Variants in CCDC27 observed in about 807,000 individuals in gnomAD.
CCDC27 encodes the protein coiled-coil domain containing 27.
In CCDC27, 80 loss-of-function variants were observed where a neutral mutation model predicts 80.3. The observed-to-expected ratio is 1.00, with a 90% CI of 0.83 to 1.20. The LOEUF (loss-of-function observed/expected upper bound fraction) is 1.20, where lower values mean the gene tolerates loss of function less well. Among genes scored for constraint, CCDC27 ranks in the 50% most tolerant of loss-of-function variants. The pLI is 0.00. For missense variants in CCDC27, 815 were observed against 809.4 expected (o/e 1.01, Z -0.08); for synonymous variants, 342 against 334.3 (o/e 1.02, Z -0.25).
intron 8 of CCDC27, among the ~76,000 whole-genome samples, chr1:3,765,727 G>T (rs1361288935): frequency 6.6e-6 from 1 of 152,172 alleles, no homozygotes. Flanking sequence ...TGCTTTTGGT[G>T]TCTGTCATTC....
At position 3,769,998 on chromosome 1, in the gene CCDC27, T is replaced by G; in HGVS notation, c.1848+111T>G. 6.5e-6 allele frequency: 5 copies of G among 768,522 alleles called. No homozygotes were observed. Among genetic ancestry groups the G allele is most frequent in the Non-Finnish European group, 1.1e-5 (5 of 434,996 alleles). 47.6% of individuals were successfully genotyped at this position (768,522 alleles called of 1,614,324 possible). On this transcript the variant is annotated intron_variant, in intron 11 of 11. Coordinates refer to ENST00000294600, the MANE Select transcript of CCDC27 (RefSeq NM_152492.3). This position sits in a 1 kb window ranked among gnomAD's most constrained non-coding sequence, Gnocchi z 4.6. ...CCAGGGACTCTGTTCTCATCCTACC[T>G]GTGTCACCTATTCACTTGGACCCCA...
At chr1:3,764,034 G>A (rs976257179) in intron 8 of CCDC27, among the ~76,000 whole-genome samples, 198 bp downstream of exon 8, 2 of 152,176 alleles carry the variant, frequency 1.3e-5, no homozygotes, top group East Asian at 1.9e-4. Context: ...TGGGAGGCTG[G>A]AGCCCATGTG....
At chr1:3,753,227 G>A (rs1404801581) in intron 1 of CCDC27, among the ~76,000 whole-genome samples, 1 of 152,186 alleles carries the variant, frequency 6.6e-6, no homozygotes, top group South Asian at 2.1e-4. Context: ...CCGTGTACTG[G>A]GGGAGCCCGA....
intron 1 of CCDC27, 67 bp downstream of exon 1, chr1:3,752,866 GC>G: frequency 6.7e-7 from 1 of 1,497,030 alleles, no homozygotes; most frequent in Non-Finnish European, 9.0e-7. Flanking sequence ...CTCCCCAAAG[GC>G]CCATAGAGCT....
In CCDC27 at chr1:3,765,660, C is replaced by T. The variant is rs534404798; in HGVS notation, c.1453-875C>T. On this transcript the variant is annotated intron_variant, in intron 8 of 11. Transcript: ENST00000294600. ...TTGCAGTATTTTCCCTTGATGACAG[C>T]GTTCATCATACTGTTAGTTTTCTAA... Among the ~76,000 whole-genome samples the T allele has an allele frequency of 5.3e-5, 8 of 152,252 alleles. 1 individual carries two copies. In the East Asian group the frequency reaches 5.8e-4, roughly 11 times the overall value.
rs1208160465 is a variant in CCDC27, at chr1:3,760,921, G to A, written c.712-360G>A. On this transcript the variant is annotated intron_variant, in intron 4 of 11. Transcript: ENST00000294600. The surrounding 1 kb of genome is among the most constrained non-coding windows in gnomAD (Gnocchi z 4.3). ...TGGAGGGTGTTGCCGGTTAAGTGTC[G>A]GGGCTGCAAAGAAGACTGGTGTCCT... 3.9e-5 allele frequency among the ~76,000 whole-genome samples: 6 copies of A among 152,186 alleles called. No homozygotes were observed. Among genetic ancestry groups the A allele is most frequent in the South Asian group, 4.1e-4 (2 of 4,830 alleles).
At position 3,760,433 on chromosome 1, in the gene CCDC27, T is replaced by C. The variant is rs1454695556; in HGVS notation, c.712-848T>C. 6.6e-6 allele frequency among the ~76,000 whole-genome samples: 1 copy of C among 152,236 alleles called. No homozygotes were observed. The highest frequency in any genetic ancestry group is 1.5e-5 in the Non-Finnish European group (1 of 68,042). ...CTTTCTGCGGGATTAATTTTAGTTC[T>C]TTTTCTGAACTCTTGAGATAGATAC... On this transcript the variant is annotated intron_variant, in intron 4 of 11. Coordinates refer to ENST00000294600, the MANE Select transcript of CCDC27 (RefSeq NM_152492.3). The surrounding 1 kb of genome is among the most constrained non-coding windows in gnomAD (Gnocchi z 4.3).
Position 3,763,096 on chromosome 1 carries a change from C to A in CCDC27, c.955-12C>A. ...GCAGCCCTGCCCAGCCCCTGCCCTA[C>A]CCATCTTACAGATGCAGGAGGAGTC... On this transcript the variant is annotated splice_polypyrimidine_tract_variant and intron_variant, in intron 6 of 11. Coordinates refer to ENST00000294600, the MANE Select transcript of CCDC27 (RefSeq NM_152492.3). This position sits in a 1 kb window ranked among gnomAD's most constrained non-coding sequence, Gnocchi z 7.5. The A allele has an allele frequency of 6.8e-7, 1 of 1,467,222 alleles. No individual in the cohort carries two copies. The highest frequency in any genetic ancestry group is 1.5e-5 in the South Asian group (1 of 68,798). 90.9% of individuals were successfully genotyped at this position (1,467,222 alleles called of 1,614,324 possible).
rs937795379 is a variant in CCDC27, at chr1:3,761,654, A to T, written c.861+224A>T. ...AATGAGAGCCATGAGCTGATGCAACAGGGGGGGGAGAGATGAATGGAGGCG... is the reference window on the plus strand; with the variant it reads ...AATGAGAGCCATGAGCTGATGCAACTGGGGGGGGAGAGATGAATGGAGGCG... On this transcript the variant is annotated intron_variant, in intron 5 of 11. Transcript: ENST00000294600. The surrounding 1 kb of genome is among the most constrained non-coding windows in gnomAD (Gnocchi z 5.0). 6.6e-6 allele frequency among the ~76,000 whole-genome samples: 1 copy of T among 151,550 alleles called. No individual in the cohort carries two copies. Among genetic ancestry groups the T allele is most frequent in the African/African-American group, 2.4e-5 (1 of 41,312 alleles).
At chr1:3,764,599 A>G (rs1643182629) in intron 8 of CCDC27, among the ~76,000 whole-genome samples, 1 of 152,212 alleles carries the variant, frequency 6.6e-6, no homozygotes, top group Non-Finnish European at 1.5e-5. Flanking sequence ...TGTCTCACAC[A>G]CATACATAAA....
chr1:3,756,521 G>T, intron 3 of CCDC27: 1 of 504,760 alleles, frequency 2.0e-6, no homozygotes, highest in South Asian at 2.0e-5. Flanking sequence ...CACGCGCTGT[G>T]CTGGGTGTGG....
Position 3,756,723 on chromosome 1 carries a change from G to A in CCDC27, c.554-10G>A. ...TCTCATTTCTCACTTGGCCTCCGCTGTCGCCACAGGGTACCTCCTTCCCTT... is the reference window on the plus strand; with the variant it reads ...TCTCATTTCTCACTTGGCCTCCGCTATCGCCACAGGGTACCTCCTTCCCTT... On this transcript the variant is annotated splice_polypyrimidine_tract_variant and intron_variant, in intron 3 of 11. Coordinates refer to ENST00000294600, the MANE Select transcript of CCDC27 (RefSeq NM_152492.3). 2 of 1,613,536 alleles carry A rather than the reference G, an allele frequency of 1.2e-6. No individual in the cohort carries two copies. The highest frequency in any genetic ancestry group is 2.2e-5 in the East Asian group (1 of 44,856).
Position 3,763,482 on chromosome 1 carries a change from C to T in CCDC27, c.1321+8C>T. 1 of 1,582,338 alleles carries T rather than the reference C, an allele frequency of 6.3e-7. No homozygotes were observed. On this transcript the variant is annotated splice_region_variant and intron_variant, in intron 7 of 11. Coordinates refer to ENST00000294600, the MANE Select transcript of CCDC27 (RefSeq NM_152492.3). The surrounding 1 kb of genome is among the most constrained non-coding windows in gnomAD (Gnocchi z 7.5). The stretch of plus-strand genomic sequence containing the variant: ...GATACTCCCTTGCAACAGGTAGGGC[C>T]TCGGCGGGGGGCACTGGGCTTTGGC...
At position 3,752,869 on chromosome 1, in the gene CCDC27, C is replaced by T; in HGVS notation, c.318+70C>T. 2.0e-6 allele frequency: 3 copies of T among 1,489,246 alleles called. No individual in the cohort carries two copies. In the South Asian group the frequency reaches 3.9e-5, roughly 19 times the overall value. 92.3% of individuals were successfully genotyped at this position (1,489,246 alleles called of 1,614,324 possible). On this transcript the variant is annotated intron_variant, in intron 1 of 11. Coordinates refer to ENST00000294600, the MANE Select transcript of CCDC27 (RefSeq NM_152492.3). The stretch of plus-strand genomic sequence containing the variant: ...CTGTTTCTTCTCCTCCCCAAAGGCC[C>T]ATAGAGCTGTCAGCCCACAAAGCAT...
chr1:3,756,952 G>A, intron 4 of CCDC27, 62 bp downstream of exon 4: 1 of 1,544,424 alleles, frequency 6.5e-7, no homozygotes, highest in East Asian at 2.3e-5. Context: ...CGGCTGGGAG[G>A]ACAGCCCTGC....
rs554033188 is a variant in CCDC27, at chr1:3,763,702, C to T, written c.1322-4C>T. The T allele has an allele frequency of 1.2e-6, 2 of 1,614,044 alleles. No individual in the cohort carries two copies. The highest frequency in any genetic ancestry group is 4.5e-5 in the East Asian group (2 of 44,874). The stretch of plus-strand genomic sequence containing the variant: ...CTGCTCACCGCCTCTGCCTCTGTGC[C>T]CAGGAGTGATTGCGTCTTTACAACA... On this transcript the variant is annotated splice_region_variant and splice_polypyrimidine_tract_variant and intron_variant, in intron 7 of 11. Coordinates refer to ENST00000294600, the MANE Select transcript of CCDC27 (RefSeq NM_152492.3). The surrounding 1 kb of genome is among the most constrained non-coding windows in gnomAD (Gnocchi z 7.5).
At chr1:3,755,805 G>T (rs1448337616) in intron 3 of CCDC27, 1 of 512,082 alleles carries the variant, frequency 2.0e-6, no homozygotes, top group African/African-American at 1.9e-5. Context: ...AAAAATCGTA[G>T]TTGAAAGTTT....
At position 3,763,912 on chromosome 1, in the gene CCDC27, G is replaced by A. The variant is rs574867922; in HGVS notation, c.1452+76G>A. 3 of 1,554,552 alleles carry A rather than the reference G, an allele frequency of 1.9e-6. No individual in the cohort carries two copies. Among genetic ancestry groups the A allele is most frequent in the East Asian group, 4.6e-5 (2 of 43,336 alleles). Reference sequence around the variant, plus strand: ...CTTCATTAACCCCCGGCAGCTCGGGGCAGGCGCTGCCCGTCCCATCTACTG... The same window carrying A: ...CTTCATTAACCCCCGGCAGCTCGGGACAGGCGCTGCCCGTCCCATCTACTG... On this transcript the variant is annotated intron_variant, in intron 8 of 11. Coordinates refer to ENST00000294600, the MANE Select transcript of CCDC27 (RefSeq NM_152492.3). This position sits in a 1 kb window ranked among gnomAD's most constrained non-coding sequence, Gnocchi z 7.5.
chr1:3,754,301 G>T, intron 2 of CCDC27, 60 bp downstream of exon 2: 1 of 1,516,982 alleles, frequency 6.6e-7, no homozygotes. Context: ...GGGGCCGGGG[G>T]AGGCCTTCCT....
Sources: gnomAD v4.1 joint callset for allele counts (sites outside exome capture counted in the v4.1 genomes callset) on GRCh38, gnomAD v4.1.1 for gene constraint, Gnocchi (gnomAD v3.1) non-coding constraint, MANE v1.5 for transcripts, NCBI Gene and HGNC (gene_info 2026-07-23, HGNC 2026-07-21) for gene names.